The following ZNF609 variants were observed in gnomAD, a reference collection of about 807,000 sequenced individuals.
ZNF609 encodes zinc finger protein 609.
A neutral mutation model predicts 109.5 loss-of-function variants in ZNF609; 11 were observed. That is an observed-to-expected ratio of 0.10 (90% CI 0.06 to 0.17). The LOEUF is 0.17. Among genes scored for constraint, ZNF609 ranks in the 10% least tolerant of loss-of-function variants. The pLI, the probability that ZNF609 is intolerant of heterozygous loss-of-function variation, is 1.00. For synonymous variants in ZNF609, 646 were observed against 662.0 expected (o/e 0.98, Z 0.37); for missense variants, 1,559 against 1,772.4 (o/e 0.88, Z 2.16).
At chr15:64,586,119 GT>G (rs1321906758) in intron 2 of ZNF609, among the ~76,000 whole-genome samples, 2 of 152,156 alleles carry the variant, frequency 1.3e-5, no homozygotes, top group African/African-American at 4.8e-5. Context: ...GAGGTCAGGA[GT>G]TCGAGACCAG....
intron 1 of ZNF609, among the ~76,000 whole-genome samples, chr15:64,478,632 G>T (rs751899335): frequency 3.9e-5 from 6 of 152,062 alleles, no homozygotes; most frequent in Non-Finnish European, 7.4e-5. Flanking sequence ...CCACTTCCCA[G>T]ACTCCCAAAG....
intron 3 of ZNF609, among the ~76,000 whole-genome samples, chr15:64,630,099 T>TC (rs1173143333): frequency 7.3e-6 from 1 of 136,890 alleles, no homozygotes; most frequent in Non-Finnish European, 1.6e-5. Context: ...TTCTTTTTTC[T>TC]TTTTTTTTTT....
intron 2 of ZNF609, chr15:64,593,054 T>C: frequency 6.3e-7 from 1 of 1,587,914 alleles, no homozygotes; most frequent in East Asian, 2.2e-5. Flanking sequence ...CTGCACTAAC[T>C]GTGCCCGATG....
chr15:64,472,688 C>T (rs1893108384), intron 1 of ZNF609, among the ~76,000 whole-genome samples: 1 of 152,052 alleles, frequency 6.6e-6, no homozygotes, highest in Non-Finnish European at 1.5e-5. Flanking sequence ...AACATAGACC[C>T]CATCTCTACA....
intron 2 of ZNF609, among the ~76,000 whole-genome samples, chr15:64,611,621 A>C (rs1406785929): frequency 6.6e-6 from 1 of 152,244 alleles, no homozygotes; most frequent in Non-Finnish European, 1.5e-5. Flanking sequence ...GCAGGAGAAC[A>C]GACTGTAGAC....
At chr15:64,625,443 C>A (rs1895937221) in intron 3 of ZNF609, among the ~76,000 whole-genome samples, 1 of 151,914 alleles carries the variant, frequency 6.6e-6, no homozygotes, top group Non-Finnish European at 1.5e-5. Context: ...TCACTTGAAC[C>A]CCGGAGGTGG....
intron 2 of ZNF609, among the ~76,000 whole-genome samples, chr15:64,606,734 C>T (rs1047448740): frequency 4.6e-5 from 7 of 152,006 alleles, no homozygotes; most frequent in Non-Finnish European, 8.8e-5. Flanking sequence ...TAGTTTAAAA[C>T]GGTTACATCA....
At chr15:64,654,090 AGT>A (rs1896455512) in intron 3 of ZNF609, 1 of 152,236 alleles carries the variant, frequency 6.6e-6, no homozygotes, top group Non-Finnish European at 1.5e-5. Flanking sequence ...CCCAGGCTGG[AGT>A]GCAGTGGTGT....
Position 64,685,135 on chromosome 15 carries a change from A to G in ZNF609, c.*3449A>G, listed in dbSNP as rs2083233490. On this transcript the variant is annotated 3_prime_UTR_variant, in exon 10 of 10. Coordinates refer to ENST00000326648, the MANE Select transcript of ZNF609 (RefSeq NM_015042.2). Reference sequence around the variant, plus strand: ...AGTCTTCCTGATTCTTCCCTTCTGTAAAGTGTACATTACCAAGTTCCTTGT... The same window carrying G: ...AGTCTTCCTGATTCTTCCCTTCTGTGAAGTGTACATTACCAAGTTCCTTGT... 6.6e-6 allele frequency: 1 copy of G among 152,090 alleles called. No individual in the cohort carries two copies. Among genetic ancestry groups the G allele is most frequent in the African/African-American group, 2.4e-5 (1 of 41,320 alleles). The allele number at this position is 152,090 out of a possible 1,614,324, so 9.4% of individuals were successfully genotyped here. A position where few individuals can be genotyped will look rare whatever the true frequency, so the allele number is the denominator to read the frequency against.
At chr15:64,563,957 C>T (rs1292249142) in intron 2 of ZNF609, among the ~76,000 whole-genome samples, 1 of 152,040 alleles carries the variant, frequency 6.6e-6, no homozygotes, top group African/African-American at 2.4e-5. Context: ...GATCTCTGCT[C>T]ACTGCAGCCT....
chr15:64,637,417 A>G (rs1225301891), intron 3 of ZNF609, among the ~76,000 whole-genome samples: 1 of 152,232 alleles, frequency 6.6e-6, no homozygotes, highest in African/African-American at 2.4e-5. Context: ...AAATGGAATT[A>G]TTGAATCATA....
At chr15:64,597,004 G>A (rs1456476205) in intron 2 of ZNF609, among the ~76,000 whole-genome samples, 1 of 152,090 alleles carries the variant, frequency 6.6e-6, no homozygotes, top group Non-Finnish European at 1.5e-5. Flanking sequence ...TCAGCTTGTT[G>A]TGCCTTGTTT....
At chr15:64,661,289 A>C (rs116334528) in intron 3 of ZNF609, among the ~76,000 whole-genome samples, 87 of 152,266 alleles carry the variant, frequency 5.7e-4, no homozygotes, top group African/African-American at 2.0e-3. Context: ...ATATGCTTAC[A>C]TGTTCCCTTA....
At position 64,685,639 on chromosome 15, in the gene ZNF609, T is replaced by C. The variant is rs2083236078; in HGVS notation, c.*3953T>C. The C allele has an allele frequency of 6.5e-6, 1 of 152,792 alleles. No individual in the cohort carries two copies. Among genetic ancestry groups the C allele is most frequent in the South Asian group, 2.1e-4 (1 of 4,834 alleles). 9.5% of individuals were successfully genotyped at this position (152,792 alleles called of 1,614,324 possible). ...CTTGGGACACTCACCTGTGAAACTA[T>C]GCAGCTGGGAGCTCTCTGCCTAAGA... is the stretch of plus-strand genomic sequence containing the variant. On this transcript the variant is annotated 3_prime_UTR_variant, in exon 10 of 10. Coordinates refer to ENST00000326648, the MANE Select transcript of ZNF609 (RefSeq NM_015042.2).
intron 2 of ZNF609, among the ~76,000 whole-genome samples, chr15:64,530,037 T>G (rs767453921): frequency 1.3e-5 from 2 of 151,750 alleles, no homozygotes; most frequent in Non-Finnish European, 2.9e-5. Flanking sequence ...GGCCTTGGTT[T>G]TTTTTTAAAC....
intron 2 of ZNF609, among the ~76,000 whole-genome samples, chr15:64,570,135 C>T (rs1894838675): frequency 6.6e-6 from 1 of 152,188 alleles, no homozygotes; most frequent in South Asian, 2.1e-4. Context: ...GTTGAGATTA[C>T]AGGCGTGAGC....
At chr15:64,567,813 C>T (rs1261660168) in intron 2 of ZNF609, among the ~76,000 whole-genome samples, 4 of 151,992 alleles carry the variant, frequency 2.6e-5, no homozygotes, top group African/African-American at 7.2e-5. Flanking sequence ...AGACACGTGC[C>T]ACCACACCCG....
intron 2 of ZNF609, among the ~76,000 whole-genome samples, chr15:64,615,793 A>G (rs1895789578): frequency 6.6e-6 from 1 of 152,166 alleles, no homozygotes; most frequent in South Asian, 2.1e-4. Context: ...AGCTAGTGAC[A>G]TCTTACTTTC....
chr15:64,459,759 G>A (rs571365580), upstream of ZNF609, among the ~76,000 whole-genome samples: 6 of 152,276 alleles, frequency 3.9e-5, no homozygotes, highest in East Asian at 7.7e-4. Flanking sequence ...TTAGGAGGTC[G>A]TCATGAATAG....
Sources: allele counts gnomAD v4.1 joint callset (sites outside exome capture counted in the v4.1 genomes callset), GRCh38; gene constraint gnomAD v4.1.1; transcripts MANE v1.5; gene names NCBI Gene and HGNC (gene_info 2026-07-23, HGNC 2026-07-21).